NCOR1: variants seen among roughly 807,000 people sequenced by gnomAD.
NCOR1 encodes protein phosphatase 1, regulatory subunit 109.
Under a neutral mutation model 288.1 loss-of-function variants are expected in NCOR1, and 63 were observed. The ratio of observed to expected loss-of-function variants is 0.22; its 90% confidence interval spans 0.18 to 0.27. The LOEUF (loss-of-function observed/expected upper bound fraction) is 0.27. Among genes scored for constraint, NCOR1 ranks in the 10% least tolerant of loss-of-function variants. The pLI is 1.00. For missense variants in NCOR1, 2,397 were observed against 3,019.2 expected (o/e 0.79, Z 4.83); for synonymous variants, 1,007 against 1,065.9 (o/e 0.94, Z 1.08).
chr17:16,032,194 G>C lies in NCOR1; in HGVS notation c.*102C>G. The C allele has an allele frequency of 8.4e-7, 1 of 1,187,246 alleles. No individual in the cohort carries two copies. Among genetic ancestry groups the C allele is most frequent in the Non-Finnish European group, 1.1e-6 (1 of 873,606 alleles). The allele number at this position is 1,187,246 out of a possible 1,614,324, so 73.5% of individuals were successfully genotyped here. A position where few individuals can be genotyped will look rare whatever the true frequency, so the allele number is the denominator to read the frequency against. On this transcript the variant is annotated 3_prime_UTR_variant, in exon 46 of 46. Transcript: ENST00000268712. ...GCTGGCTCTCCTGAAAAGTCTCAGG[G>C]AATAAGTCACAGGAGGGCAGGTTTT...
chr17:16,115,295 G>A (rs1024259758), intron 18 of NCOR1, among the ~76,000 whole-genome samples: 2 of 152,146 alleles, frequency 1.3e-5, no homozygotes, highest in Non-Finnish European at 1.5e-5. Context: ...GGCCTATGAT[G>A]GAAAGGGCTG....
intron 1 of NCOR1, among the ~76,000 whole-genome samples, chr17:16,210,146 G>A (rs930725165): frequency 9.2e-5 from 14 of 152,172 alleles, no homozygotes; most frequent in African/African-American, 3.4e-4. Context: ...CACTTTGGGA[G>A]GCTGAGGCGG....
At chr17:16,162,466 G>GAA (rs1232711738) in intron 5 of NCOR1, among the ~76,000 whole-genome samples, 1 of 128,218 alleles carries the variant, frequency 7.8e-6, no homozygotes, top group Non-Finnish European at 1.7e-5. Flanking sequence ...GATTTAAAAG[G>GAA]AAAAAAAAAA....
intron 9 of NCOR1, among the ~76,000 whole-genome samples, chr17:16,147,644 A>G (rs2078197726): frequency 6.6e-6 from 1 of 152,074 alleles, no homozygotes; most frequent in Admixed American, 6.5e-5. Context: ...ACAGAATATT[A>G]TCTTTCTCAC....
intron 35 of NCOR1, among the ~76,000 whole-genome samples, chr17:16,062,711 G>C (rs1316120398): frequency 1.3e-5 from 2 of 152,178 alleles, no homozygotes; most frequent in African/African-American, 4.8e-5. Flanking sequence ...ACTAGGGTTT[G>C]AGACTGTTTC....
At chr17:16,041,795 G>C (rs896505227) in intron 42 of NCOR1, among the ~76,000 whole-genome samples, 3 of 151,744 alleles carry the variant, frequency 2.0e-5, no homozygotes, top group African/African-American at 7.3e-5. Context: ...GGAGTGCAGC[G>C]GTGCGATCTT....
intron 14 of NCOR1, among the ~76,000 whole-genome samples, chr17:16,135,809 G>A (rs959204603): frequency 6.6e-6 from 1 of 152,206 alleles, no homozygotes; most frequent in Non-Finnish European, 1.5e-5. Context: ...TGTGAATACT[G>A]AGAGAACTGG....
intron 44 of NCOR1, chr17:16,039,074 A>T (rs1053558924): frequency 5.0e-6 from 1 of 199,910 alleles, no homozygotes; most frequent in African/African-American, 2.4e-5. Flanking sequence ...CGGCTGGCTT[A>T]TGTTTCTTTT....
intron 19 of NCOR1, chr17:16,108,159 CCCA>C (rs759451830): frequency 2.6e-5 from 5 of 193,614 alleles, no homozygotes; most frequent in South Asian, 1.4e-4. Flanking sequence ...TATAAAAATC[CCCA>C]CATCAGAAGC....
chr17:16,076,298 T>C (rs958345959), intron 26 of NCOR1, among the ~76,000 whole-genome samples: 1 of 152,252 alleles, frequency 6.6e-6, no homozygotes, highest in African/African-American at 2.4e-5. Flanking sequence ...CAAAATGGGT[T>C]GTAAAGCAGC....
At chr17:16,184,939 G>T (rs943558329) in intron 3 of NCOR1, among the ~76,000 whole-genome samples, 8 of 147,706 alleles carry the variant, frequency 5.4e-5, no homozygotes, top group Non-Finnish European at 1.0e-4. Context: ...AGGACATTAT[G>T]CTATGTGAAA....
At chr17:16,106,831 G>A (rs996864741) in intron 19 of NCOR1, among the ~76,000 whole-genome samples, 2 of 132,864 alleles carry the variant, frequency 1.5e-5, no homozygotes, top group Non-Finnish European at 3.1e-5. Context: ...AGATGTGATG[G>A]TGCCACCCTA....
intron 6 of NCOR1, among the ~76,000 whole-genome samples, chr17:16,157,403 TCA>T (rs1568379090): frequency 6.6e-6 from 1 of 152,230 alleles, no homozygotes; most frequent in African/African-American, 2.4e-5. Flanking sequence ...CTGATGACTC[TCA>T]GTTATCTACT....
chr17:16,147,561 T>A (rs1648427921), intron 9 of NCOR1, among the ~76,000 whole-genome samples: 1 of 152,184 alleles, frequency 6.6e-6, no homozygotes, highest in African/African-American at 2.4e-5. Flanking sequence ...TGATGACACA[T>A]GGACAGAGGA....
chr17:16,179,910 A>T (rs1249309193), intron 3 of NCOR1, among the ~76,000 whole-genome samples: 1 of 144,542 alleles, frequency 6.9e-6, no homozygotes, highest in Middle Eastern at 3.6e-3. Context: ...GTGAGCCAAG[A>T]TCGTGCCACT....
Position 16,166,234 on chromosome 17 carries a change from T to C in NCOR1, c.436-1073A>G, listed in dbSNP as rs145108818. 6.7e-3 allele frequency among the ~76,000 whole-genome samples: 1,024 copies of C among 152,310 alleles called. 12 individuals are homozygous for C. Among genetic ancestry groups the C allele is most frequent in the African/African-American group, 0.024 (978 of 41,568 alleles). Reference sequence around the variant, plus strand: ...CCAATAAAAGCAATAACAACTCTAATAGACTTAATAGAATTAAAGCTCCAG... The same window carrying C: ...CCAATAAAAGCAATAACAACTCTAACAGACTTAATAGAATTAAAGCTCCAG... On this transcript the variant is annotated intron_variant, in intron 4 of 45. Coordinates refer to ENST00000268712, the MANE Select transcript of NCOR1 (RefSeq NM_006311.4).
At chr17:16,127,692 CATATATGTATATATGTGTGTGTATATAT>C (rs1362226435) in intron 14 of NCOR1, among the ~76,000 whole-genome samples, 8 of 136,556 alleles carry the variant, frequency 5.9e-5, no homozygotes, top group South Asian at 4.8e-4. Flanking sequence ...TGTATATATA[CATATATGTATATATGTGTGTGTATATAT>C]ACATATATGT....
At chr17:16,058,299 G>C (rs747797415) in intron 38 of NCOR1, 172 bp downstream of exon 38, 80 of 948,974 alleles carry the variant, frequency 8.4e-5, no homozygotes, top group Non-Finnish European at 1.0e-4. Flanking sequence ...ACAATTTTCT[G>C]TATCATTAAA....
At chr17:16,039,330 A>T (rs748379342) in intron 44 of NCOR1, 103 bp downstream of exon 44, 1 of 1,143,758 alleles carries the variant, frequency 8.7e-7, no homozygotes, top group African/African-American at 1.5e-5. Context: ...CTCTGAGCAC[A>T]TAAAGACATA....
Sources: gnomAD v4.1 joint callset for allele counts (sites outside exome capture counted in the v4.1 genomes callset) on GRCh38, gnomAD v4.1.1 for gene constraint, MANE v1.5 for transcripts, NCBI Gene and HGNC (gene_info 2026-07-23, HGNC 2026-07-21) for gene names.